The following TENM1 variants were observed in gnomAD, a reference collection of about 807,000 sequenced individuals.
TENM1 encodes teneurin transmembrane protein 1.
A neutral mutation model predicts 174.8 loss-of-function variants in TENM1; 35 were observed. The observed-to-expected ratio is 0.20, with a 90% CI of 0.15 to 0.27. The LOEUF is 0.27. Among genes scored for constraint, TENM1 ranks in the 10% least tolerant of loss-of-function variants. TENM1 has a pLI of 1.00. For missense variants in TENM1, 1,633 were observed against 2,130.1 expected, an observed-to-expected ratio of 0.77 and a Z score of 4.59; for synonymous variants, 781 against 798.7, an observed-to-expected ratio of 0.98 and a Z score of 0.37.
At chrX:124,585,280 T>C (rs1349071453) in intron 11 of TENM1, among the ~76,000 whole-genome samples, 2 of 111,361 alleles carry the variant, frequency 1.8e-5, no homozygotes, top group Admixed American at 1.9e-4. Context: ...GATCACATAG[T>C]TGGAAGTAAA....
intron 22 of TENM1, 27 bp from the exon 26 acceptor site, chrX:124,453,518 A>G (rs772670932): frequency 8.5e-6 from 10 of 1,180,738 alleles, no homozygotes; most frequent in Non-Finnish European, 1.1e-5. Flanking sequence ...AATGAGCATT[A>G]GTAGTCTAGT....
At chrX:124,617,615 C>A (rs957088434) in intron 11 of TENM1, among the ~76,000 whole-genome samples, 3 of 112,086 alleles carry the variant, frequency 2.7e-5, no homozygotes, top group Non-Finnish European at 5.6e-5. Flanking sequence ...CTGCATTAGG[C>A]CCTTCTAGTT....
At chrX:124,725,210 A>G (rs1315629410) in intron 4 of TENM1, among the ~76,000 whole-genome samples, 1 of 111,138 alleles carries the variant, frequency 9.0e-6, no homozygotes, top group Non-Finnish European at 1.9e-5. Context: ...ATTAACCTCA[A>G]AAAAGATCAA....
intron 11 of TENM1, among the ~76,000 whole-genome samples, chrX:124,626,721 A>C (rs1475286107): frequency 8.9e-6 from 1 of 111,964 alleles, no homozygotes; most frequent in Non-Finnish European, 1.9e-5. Context: ...GGTGGATCCT[A>C]TTGCTTTCTA....
intron 3 of TENM1, among the ~76,000 whole-genome samples, chrX:124,739,529 A>T (rs2053753203): frequency 9.0e-6 from 1 of 111,646 alleles, no homozygotes; most frequent in Non-Finnish European, 1.9e-5. Context: ...ATTTTAACAG[A>T]TAGACTGAAC....
the TENM1 span, among the ~76,000 whole-genome samples, chrX:125,066,070 A>G: frequency 3.6e-5 from 4 of 111,934 alleles, no homozygotes; most frequent in Non-Finnish European, 7.5e-5. Context: ...TTTAATAGCC[A>G]TTTGTGAAGA....
At chrX:124,809,656 T>C (rs1422248800) in intron 3 of TENM1, among the ~76,000 whole-genome samples, 2 of 110,901 alleles carry the variant, frequency 1.8e-5, no homozygotes, top group African/African-American at 6.6e-5. Flanking sequence ...AAATTAGGGA[T>C]AGAAGGAAAG....
chrX:124,503,241 C>A (rs1166204794), intron 19 of TENM1, among the ~76,000 whole-genome samples: 1 of 111,052 alleles, frequency 9.0e-6, no homozygotes. Context: ...ACCAGGGTAG[C>A]AAACTCAGTT....
Position 124,422,688 on chromosome X carries a change from G to T in TENM1, c.4105-50C>A, listed in dbSNP as rs183544582. Reference sequence around the variant, plus strand: ...CATTAGGTTACCATGTCTTTCCATGGACAGTTTTAACTTGAAAAAAAGAAA... The same window carrying T: ...CATTAGGTTACCATGTCTTTCCATGTACAGTTTTAACTTGAAAAAAAGAAA... On this transcript the variant is annotated intron_variant, in intron 23 of 31. Coordinates refer to ENST00000422452, the Ensembl canonical transcript of TENM1. 240 of 1,142,981 alleles carry T rather than the reference G, an allele frequency of 2.1e-4. No homozygotes were observed. In the African/African-American group the frequency reaches 3.7e-3, roughly 18 times the overall value. 94.2% of individuals were successfully genotyped at this position (1,142,981 alleles called of 1,213,427 possible).
intron 5 of TENM1, among the ~76,000 whole-genome samples, chrX:124,683,005 G>A (rs371874315): frequency 9.0e-6 from 1 of 111,608 alleles, no homozygotes; most frequent in African/African-American, 3.3e-5. Flanking sequence ...GATATAGGAC[G>A]TTGACAATAG....
At chrX:124,966,649 G>C (rs761467558), upstream of TENM1, among the ~76,000 whole-genome samples, 2 of 104,601 alleles carry the variant, frequency 1.9e-5, no homozygotes, top group Middle Eastern at 4.4e-3. Flanking sequence ...GCGACAGAGC[G>C]AGACTCCGTC....
At chrX:124,524,993 A>T (rs2047941594) in intron 16 of TENM1, among the ~76,000 whole-genome samples, 1 of 112,225 alleles carries the variant, frequency 8.9e-6, no homozygotes, top group African/African-American at 3.2e-5. Context: ...TGCCTGCATT[A>T]AAAAAGATCT....
At chrX:124,953,301 C>G (rs764433356) in intron 1 of TENM1, among the ~76,000 whole-genome samples, 27 of 112,056 alleles carry the variant, frequency 2.4e-4, no homozygotes, top group African/African-American at 8.7e-4. Flanking sequence ...CCAATAAATC[C>G]TATGAACTGA....
At chrX:124,581,416 A>G (rs906050089) in intron 11 of TENM1, among the ~76,000 whole-genome samples, 3 of 84,474 alleles carry the variant, frequency 3.6e-5, no homozygotes, top group Non-Finnish European at 6.8e-5. Context: ...CATATGTACC[A>G]CATTTTCTTT....
chrX:124,809,005 T>C (rs972137367), intron 3 of TENM1, among the ~76,000 whole-genome samples: 2 of 110,646 alleles, frequency 1.8e-5, no homozygotes, highest in Admixed American at 1.9e-4. Flanking sequence ...AAATAGAAAT[T>C]ATAAAAACAA....
At chrX:125,196,377 T>C in the TENM1 span, among the ~76,000 whole-genome samples, 1 of 111,549 alleles carries the variant, frequency 9.0e-6, no homozygotes, top group Non-Finnish European at 1.9e-5. Context: ...TTGTCCACAA[T>C]GTATGTATGT....
chrX:125,065,758 A>G, the TENM1 span, among the ~76,000 whole-genome samples: 1 of 112,410 alleles, frequency 8.9e-6, no homozygotes, highest in Non-Finnish European at 1.9e-5. Flanking sequence ...ACACAAGTAC[A>G]TGGAAACAAA....
At position 124,750,680 on chromosome X, in the gene TENM1, C is replaced by T. The variant is rs1316145061; in HGVS notation, c.536-13483G>A. On this transcript the variant is annotated intron_variant, in intron 3 of 31. Coordinates refer to ENST00000422452, the Ensembl canonical transcript of TENM1. ...AGTGTTTCAACATTCATATGCTGTGCCCATTTTAGAGATGGAGAATATGAG... is the reference window on the plus strand; with the variant it reads ...AGTGTTTCAACATTCATATGCTGTGTCCATTTTAGAGATGGAGAATATGAG... Among the ~76,000 whole-genome samples the T allele has an allele frequency of 5.4e-5, 6 of 111,636 alleles. No individual in the cohort carries two copies. The East Asian group carries it at 1.7e-3, about 31-fold the overall frequency.
chrX:124,846,197 T>C, intron 3 of TENM1, among the ~76,000 whole-genome samples: 1 of 110,548 alleles, frequency 9.0e-6, no homozygotes, highest in South Asian at 3.9e-4. Flanking sequence ...TTTTCTTTGA[T>C]TGGGAAGAAA....
Sources: gnomAD v4.1 joint callset for allele counts (sites outside exome capture counted in the v4.1 genomes callset) on GRCh38, gnomAD v4.1.1 for gene constraint, MANE v1.5 for transcripts, NCBI Gene and HGNC (gene_info 2026-07-23, HGNC 2026-07-21) for gene names.